The following TPST1 variants were observed in gnomAD, a reference collection of about 807,000 sequenced individuals.
TPST1 encodes the protein tyrosylprotein sulfotransferase 1, also known as protein-tyrosine sulfotransferase 1.
TPST1 carries 20 observed loss-of-function variants against 34.8 expected under a neutral mutation model. The observed-to-expected ratio is 0.57, with a 90% CI of 0.40 to 0.84. The LOEUF is 0.84. Among genes scored for constraint, TPST1 ranks in the 40% least tolerant of loss-of-function variants. The probability of loss-of-function intolerance (pLI) is 0.00; values close to 1 mark genes in which losing one functional copy is unlikely to be tolerated. For missense variants in TPST1, 353 were observed against 455.5 expected (o/e 0.78, Z 2.05); for synonymous variants, 152 against 159.4 (o/e 0.95, Z 0.35).
At chr7:66,298,738 T>G (rs570581570) in intron 3 of TPST1, among the ~76,000 whole-genome samples, 1 of 152,334 alleles carries the variant, frequency 6.6e-6, no homozygotes, top group East Asian at 1.9e-4. Context: ...ATATATTATC[T>G]CCTCTTTTTA....
At chr7:66,215,435 C>T (rs961034131) in intron 1 of TPST1, among the ~76,000 whole-genome samples, 6 of 151,492 alleles carry the variant, frequency 4.0e-5, no homozygotes, top group Non-Finnish European at 4.4e-5. Flanking sequence ...AGTGAAGTGG[C>T]GCGATCTCGG....
intron 2 of TPST1, among the ~76,000 whole-genome samples, chr7:66,275,125 C>G (rs1410325668): frequency 6.6e-6 from 1 of 152,000 alleles, no homozygotes; most frequent in Non-Finnish European, 1.5e-5. Flanking sequence ...ACCCGGGAGG[C>G]AGAGCTTGCA....
At chr7:66,316,539 G>C (rs1279492360) in intron 3 of TPST1, among the ~76,000 whole-genome samples, 1 of 152,158 alleles carries the variant, frequency 6.6e-6, no homozygotes, top group Non-Finnish European at 1.5e-5. Flanking sequence ...CTTCCACTTT[G>C]TGGATAGATT....
chr7:66,345,792 CTG>C (rs1472771020), intron 3 of TPST1, among the ~76,000 whole-genome samples: 3 of 152,056 alleles, frequency 2.0e-5, no homozygotes, highest in Non-Finnish European at 4.4e-5. Context: ...AATGAGGTAT[CTG>C]TCACCTCAAG....
chr7:66,268,051 G>A (rs1379650210), intron 2 of TPST1, among the ~76,000 whole-genome samples: 1 of 151,824 alleles, frequency 6.6e-6, no homozygotes, highest in Non-Finnish European at 1.5e-5. Flanking sequence ...CTCTCGGGCT[G>A]AAGTGATTCT....
chr7:66,236,417 C>T (rs1457867699), intron 1 of TPST1, among the ~76,000 whole-genome samples: 1 of 151,876 alleles, frequency 6.6e-6, no homozygotes, highest in Non-Finnish European at 1.5e-5. Flanking sequence ...TATGTATATA[C>T]ACACACACAC....
chr7:66,334,905 C>T (rs770914821), intron 3 of TPST1, among the ~76,000 whole-genome samples: 5 of 152,096 alleles, frequency 3.3e-5, no homozygotes, highest in Non-Finnish European at 4.4e-5. Context: ...AGCCCACTCC[C>T]GTCCCATCAG....
chr7:66,355,329 T>A (rs1175351803), intron 4 of TPST1, among the ~76,000 whole-genome samples: 1 of 140,608 alleles, frequency 7.1e-6, no homozygotes, highest in East Asian at 2.2e-4. Context: ...AAAAAAAAAA[T>A]TAGCTGGGCG....
At chr7:66,199,846 T>C in the TPST1 span, among the ~76,000 whole-genome samples, 10 of 152,002 alleles carry the variant, frequency 6.6e-5, no homozygotes, top group African/African-American at 2.4e-4. Context: ...CCTGAGTTAC[T>C]GGGACTACCG....
At chr7:66,216,482 T>C (rs2116256599) in intron 1 of TPST1, among the ~76,000 whole-genome samples, 1 of 151,888 alleles carries the variant, frequency 6.6e-6, no homozygotes, top group South Asian at 2.1e-4. Context: ...TTTCTTTTTT[T>C]TTTTTGAGAC....
intron 1 of TPST1, among the ~76,000 whole-genome samples, chr7:66,215,665 G>A (rs905973016): frequency 1.3e-5 from 2 of 150,830 alleles, no homozygotes; most frequent in Non-Finnish European, 2.9e-5. Flanking sequence ...GAGCCACCGC[G>A]CCCAGCCTCC....
At chr7:66,261,461 A>G (rs1381024061) in intron 2 of TPST1, among the ~76,000 whole-genome samples, 2 of 152,138 alleles carry the variant, frequency 1.3e-5, no homozygotes, top group African/African-American at 4.8e-5. Flanking sequence ...TTTGTTCAGT[A>G]ACAATCATTT....
intron 2 of TPST1, among the ~76,000 whole-genome samples, chr7:66,282,977 C>T (rs1481751277): frequency 6.6e-6 from 1 of 152,152 alleles, no homozygotes; most frequent in African/African-American, 2.4e-5. Context: ...ATTCTCTAAC[C>T]ATACCACGTG....
chr7:66,200,888 T>C (rs1789028109), upstream of TPST1, among the ~76,000 whole-genome samples: 1 of 152,010 alleles, frequency 6.6e-6, no homozygotes, highest in Non-Finnish European at 1.5e-5. Context: ...CCACCACACC[T>C]GGCTAATTTT....
intron 3 of TPST1, among the ~76,000 whole-genome samples, chr7:66,322,812 C>T (rs1791783472): frequency 6.6e-6 from 1 of 152,140 alleles, no homozygotes; most frequent in South Asian, 2.1e-4. Flanking sequence ...CGTACTGTTA[C>T]TCCATAGCAG....
intron 3 of TPST1, among the ~76,000 whole-genome samples, chr7:66,310,870 C>A (rs1178994483): frequency 6.6e-6 from 1 of 151,514 alleles, no homozygotes; most frequent in Non-Finnish European, 1.5e-5. Flanking sequence ...GCCCAGAGTG[C>A]TCTGGAATGC....
Position 66,240,817 on chromosome 7 carries a change from A to G in TPST1, c.392A>G (p.Asp131Gly), listed in dbSNP as rs1396970838. Reference sequence around the variant, plus strand: ...CGCCTGGATGAGGCTGGTGTTACTGATGAAGTGCTGGATTCTGCCATGCAA... The same window carrying G: ...CGCCTGGATGAGGCTGGTGTTACTGGTGAAGTGCTGGATTCTGCCATGCAA... ...KIRLDEAGVTDEVLDSAMQAF... is the reference protein window; with the variant it reads ...KIRLDEAGVTGEVLDSAMQAF... The change falls in exon 2 of 6, where the codon GAT (aspartate) becomes GGT (glycine). Residue 131 changes from aspartate to glycine, a missense_variant. Asp to Gly is a moderately conservative substitution (Grantham distance 94). Coordinates refer to ENST00000304842, the MANE Select transcript of TPST1 (RefSeq NM_003596.4). The G allele has an allele frequency of 6.2e-7, 1 of 1,614,230 alleles. No homozygotes were observed. Among genetic ancestry groups the G allele is most frequent in the East Asian group, 2.2e-5 (1 of 44,890 alleles).
At position 66,241,238 on chromosome 7, in the gene TPST1, G is replaced by A. The variant is rs1184710973; in HGVS notation, c.813G>A (p.Met271Ile). 1 of 1,610,356 alleles carries A rather than the reference G, an allele frequency of 6.2e-7. No individual in the cohort carries two copies. Among genetic ancestry groups the A allele is most frequent in the Admixed American group, 1.7e-5 (1 of 59,476 alleles). The change falls in exon 2 of 6, where the codon ATG becomes ATA. Residue 271 changes from methionine (M) to isoleucine (I), a missense_variant. Transcript: ENST00000304842. ...WNHSVLHHEE[M>I]IGKAGGVSLS... ...ACTCAGTATTGCACCATGAAGAGAT[G>A]ATTGGGAAAGCTGGGGGAGTGTCTC...
intron 3 of TPST1, among the ~76,000 whole-genome samples, chr7:66,311,935 A>G (rs1791540418): frequency 1.3e-5 from 2 of 152,186 alleles, no homozygotes; most frequent in South Asian, 4.1e-4. Context: ...TCATTCCATA[A>G]GTGTATCCCA....
Sources: allele counts gnomAD v4.1 joint callset (sites outside exome capture counted in the v4.1 genomes callset), GRCh38; gene constraint gnomAD v4.1.1; transcripts MANE v1.5; gene names NCBI Gene and HGNC (gene_info 2026-07-23, HGNC 2026-07-21).